SPATS2: variants seen among roughly 807,000 people sequenced by gnomAD.
SPATS2 encodes spermatogenesis associated serine rich 2.
Under a neutral mutation model 63.7 loss-of-function variants are expected in SPATS2, and 38 were observed. The ratio of observed to expected loss-of-function variants is 0.60; its 90% confidence interval spans 0.46 to 0.78. SPATS2 has a LOEUF of 0.78. Among genes scored for constraint, SPATS2 ranks in the 30% least tolerant of loss-of-function variants. The pLI is 0.00. For missense variants in SPATS2, 588 were observed against 666.2 expected (o/e 0.88, Z 1.29); for synonymous variants, 207 against 232.9 (o/e 0.89, Z 1.01).
At chr12:49,484,526 C>G (rs1946256489) in intron 3 of SPATS2, 64 bp from the exon 4 acceptor site, 2 of 1,524,768 alleles carry the variant, frequency 1.3e-6, no homozygotes, top group Admixed American at 3.6e-5. Flanking sequence ...AGTCTTGGCC[C>G]TTCTGTCTTA....
intron 11 of SPATS2, 21 bp downstream of exon 11, chr12:49,519,203 C>T: frequency 6.3e-7 from 1 of 1,593,920 alleles, no homozygotes; most frequent in Non-Finnish European, 8.6e-7. Context: ...TTTCTGCTTT[C>T]TGCCTTTCTT....
At position 49,499,393 on chromosome 12, in the gene SPATS2, TG is replaced by T. The variant is rs1431152847; in HGVS notation, c.704-676del. Among the ~76,000 whole-genome samples the T allele has an allele frequency of 9.0e-4, 70 of 77,626 alleles. No individual in the cohort carries two copies. In the South Asian group the frequency reaches 0.017, roughly 18 times the overall value. The allele number at this position is 77,626 out of a possible 152,430, so 50.9% of individuals were successfully genotyped here. The stretch of plus-strand genomic sequence containing the variant: ...AGCTCTGGGGATTGTTCTGCCTGGT[TG>T]TTTTGTTTTGTTTTGTTTTGTTTTG... On this transcript the variant is annotated intron_variant, in intron 8 of 13. Transcript: ENST00000552918.
At chr12:49,444,586 A>G (rs574993146) in intron 2 of SPATS2, among the ~76,000 whole-genome samples, 13 of 152,062 alleles carry the variant, frequency 8.5e-5, no homozygotes, top group South Asian at 8.3e-4. Context: ...TATTGCTAGT[A>G]TATAGATATA....
chr12:49,466,293 G>T (rs548877903), intron 3 of SPATS2, among the ~76,000 whole-genome samples: 13 of 152,024 alleles, frequency 8.6e-5, no homozygotes, highest in Admixed American at 2.0e-4. Flanking sequence ...CTCCTGAGTA[G>T]CTGGGATTAC....
At chr12:49,479,925 A>G (rs138896381) in intron 3 of SPATS2, among the ~76,000 whole-genome samples, 2,328 of 152,302 alleles carry the variant, frequency 0.015, 208 homozygotes, top group Admixed American at 0.14. Flanking sequence ...TTGATTCTAC[A>G]GTAGGATTTA....
intron 9 of SPATS2, among the ~76,000 whole-genome samples, chr12:49,509,028 C>T (rs1311595702): frequency 6.6e-6 from 1 of 151,960 alleles, no homozygotes; most frequent in Non-Finnish European, 1.5e-5. Flanking sequence ...CATGCCACTG[C>T]ACTCTGGCCT....
chr12:49,502,514 G>A (rs538491587), intron 9 of SPATS2, among the ~76,000 whole-genome samples: 5 of 152,152 alleles, frequency 3.3e-5, no homozygotes, highest in Non-Finnish European at 5.9e-5. Flanking sequence ...GCGGTGGCAC[G>A]GTCATGGCTC....
intron 2 of SPATS2, among the ~76,000 whole-genome samples, chr12:49,400,608 G>C (rs555873828): frequency 1.9e-4 from 29 of 152,274 alleles, no homozygotes; most frequent in African/African-American, 6.5e-4. Context: ...TGCATAACAG[G>C]AGAGAGGACA....
At chr12:49,487,051 C>T (rs972553693) in intron 4 of SPATS2, among the ~76,000 whole-genome samples, 2 of 151,880 alleles carry the variant, frequency 1.3e-5, no homozygotes, top group Non-Finnish European at 2.9e-5. Context: ...TTTTATAATA[C>T]TCATAAAATA....
chr12:49,382,816 T>A (rs1328716047), intron 2 of SPATS2, among the ~76,000 whole-genome samples: 1 of 152,194 alleles, frequency 6.6e-6, no homozygotes, highest in Non-Finnish European at 1.5e-5. Flanking sequence ...GTGATTCTCC[T>A]GGCTCAGCCT....
At chr12:49,483,442 G>A (rs1946239214) in intron 3 of SPATS2, among the ~76,000 whole-genome samples, 2 of 151,990 alleles carry the variant, frequency 1.3e-5, no homozygotes, top group South Asian at 2.1e-4. Flanking sequence ...AGATAATTGG[G>A]AGTTAACCAT....
chr12:49,501,166 C>T (rs1202717386), intron 9 of SPATS2, among the ~76,000 whole-genome samples: 1 of 152,078 alleles, frequency 6.6e-6, no homozygotes, highest in Non-Finnish European at 1.5e-5. Context: ...CACTATGTTG[C>T]CCAGGCCAGT....
At position 49,522,771 on chromosome 12, in the gene SPATS2, A is replaced by G. The variant is rs754454420; in HGVS notation, c.1029A>G (p.Lys343=). Reference sequence around the variant, plus strand: ...TCCAGCACTTTGTTAGTGAACGTAAATATGATGAGGATCTGGGACGAGTAG... The same window carrying G: ...TCCAGCACTTTGTTAGTGAACGTAAGTATGATGAGGATCTGGGACGAGTAG... ...ADIKHFVSER[K]YDEDLGRVAR... is the part of the protein sequence containing the mutation. The change falls in exon 12 of 14, where the codon AAA becomes AAG. Residue 343 remains lysine, a synonymous_variant. Transcript: ENST00000552918. The G allele has an allele frequency of 6.2e-7, 1 of 1,613,590 alleles. No individual in the cohort carries two copies. The highest frequency in any genetic ancestry group is 1.3e-5 in the African/African-American group (1 of 74,904).
chr12:49,383,110 C>T (rs955101504), intron 2 of SPATS2, among the ~76,000 whole-genome samples: 8 of 151,964 alleles, frequency 5.3e-5, no homozygotes, highest in Non-Finnish European at 1.0e-4. Flanking sequence ...CTCCGCCTCC[C>T]GGGTTCAAGC....
At chr12:49,466,320 G>A (rs757868382) in intron 3 of SPATS2, among the ~76,000 whole-genome samples, 7 of 151,796 alleles carry the variant, frequency 4.6e-5, no homozygotes, top group East Asian at 3.9e-4. Flanking sequence ...CCACCACCAC[G>A]CCCGGCTAAT....
chr12:49,394,005 A>C (rs765459746), intron 2 of SPATS2, among the ~76,000 whole-genome samples: 2 of 152,034 alleles, frequency 1.3e-5, no homozygotes, highest in Admixed American at 1.3e-4. Context: ...TCTTTTTCAA[A>C]GTCGTTTTTA....
At chr12:49,410,685 G>C (rs1230238718) in intron 2 of SPATS2, among the ~76,000 whole-genome samples, 1 of 152,086 alleles carries the variant, frequency 6.6e-6, no homozygotes, top group African/African-American at 2.4e-5. Flanking sequence ...TTTATGCAAA[G>C]TTTTGAGTGC....
chr12:49,426,770 C>T (rs956318715), intron 2 of SPATS2, among the ~76,000 whole-genome samples: 94 of 152,282 alleles, frequency 6.2e-4, no homozygotes, highest in Admixed American at 1.2e-3. Context: ...GTCTCGATCT[C>T]CTGACCTCGT....
At chr12:49,468,032 CTTCTT>C (rs1945956446) in intron 3 of SPATS2, among the ~76,000 whole-genome samples, 1 of 152,012 alleles carries the variant, frequency 6.6e-6, no homozygotes, top group South Asian at 2.1e-4. Context: ...CACACCTGAC[CTTCTT>C]TTCTTCTTTT....
Sources: gnomAD v4.1 joint callset for allele counts (sites outside exome capture counted in the v4.1 genomes callset) on GRCh38, gnomAD v4.1.1 for gene constraint, MANE v1.5 for transcripts, NCBI Gene and HGNC (gene_info 2026-07-23, HGNC 2026-07-21) for gene names.